Variants in TBC1D5 observed in about 807,000 individuals in gnomAD.
The protein encoded by TBC1D5 is TBC1 domain family, member 5.
In TBC1D5, 75 loss-of-function variants were observed where a neutral mutation model predicts 100.3. The ratio of observed to expected loss-of-function variants is 0.75; its 90% CI spans 0.62 to 0.91. TBC1D5 has a LOEUF of 0.91. Among genes scored for constraint, TBC1D5 ranks in the 40% least tolerant of loss-of-function variants. The pLI, the probability that TBC1D5 is intolerant of heterozygous loss-of-function variation, is 0.00. For missense variants in TBC1D5, 910 were observed against 942.4 expected (o/e 0.97, Z 0.45); for synonymous variants, 323 against 325.6 (o/e 0.99, Z 0.09).
At chr3:17,159,986 C>A (rs2065897673) in exon 22 of TBC1D5, 4 of 152,202 alleles carry the variant, frequency 2.6e-5, no homozygotes, top group African/African-American at 9.7e-5. Context: ...TTGGGTTTTT[C>A]CCTTTATTCC....
At chr3:17,661,439 T>C (rs1560402953) in intron 1 of TBC1D5, among the ~76,000 whole-genome samples, 4 of 152,194 alleles carry the variant, frequency 2.6e-5, no homozygotes, top group East Asian at 1.9e-4. Flanking sequence ...ATCCAAATGC[T>C]GCTGTATTTG....
intron 1 of TBC1D5, among the ~76,000 whole-genome samples, chr3:17,661,701 T>C (rs895957163): frequency 3.9e-5 from 6 of 152,112 alleles, no homozygotes; most frequent in Non-Finnish European, 7.4e-5. Context: ...GGTTTCACCA[T>C]GTTGGCCAGG....
intron 2 of TBC1D5, among the ~76,000 whole-genome samples, chr3:17,612,464 C>A (rs543608107): frequency 6.6e-6 from 1 of 151,842 alleles, no homozygotes; most frequent in African/African-American, 2.4e-5. Context: ...CCCGTCTATA[C>A]TAAAAAAATA....
At chr3:17,417,812 T>C (rs1157855539) in intron 4 of TBC1D5, among the ~76,000 whole-genome samples, 2 of 152,112 alleles carry the variant, frequency 1.3e-5, no homozygotes, top group African/African-American at 4.8e-5. Context: ...CCACCAACAG[T>C]GTAAAAGTGT....
rs539825304 is a variant in TBC1D5, at chr3:17,675,384, G to C, written c.-100-51471C>G. 5.9e-4 allele frequency among the ~76,000 whole-genome samples: 89 copies of C among 152,116 alleles called. 1 individual carries two copies. Among genetic ancestry groups the C allele is most frequent in the Middle Eastern group, 3.4e-3 (1 of 292 alleles). On this transcript the variant is annotated intron_variant, in intron 1 of 21. Transcript: ENST00000253692. The stretch of plus-strand genomic sequence containing the variant: ...AGAAACTCCATTTGAGCCATTCATT[G>C]GTAACTGATCATATACAGTTTCGAG...
At chr3:17,277,533 A>G (rs1333153804) in intron 15 of TBC1D5, among the ~76,000 whole-genome samples, 1 of 152,138 alleles carries the variant, frequency 6.6e-6, no homozygotes, top group Non-Finnish European at 1.5e-5. Flanking sequence ...ACAGTATATC[A>G]ATTTTCAAAC....
At chr3:17,184,373 T>C (rs893032442) in intron 19 of TBC1D5, among the ~76,000 whole-genome samples, 1 of 152,206 alleles carries the variant, frequency 6.6e-6, no homozygotes, top group Non-Finnish European at 1.5e-5. Context: ...AATAATCACA[T>C]TAGTGATTAC....
At chr3:17,675,677 A>C (rs1198673091) in intron 1 of TBC1D5, among the ~76,000 whole-genome samples, 1 of 152,210 alleles carries the variant, frequency 6.6e-6, no homozygotes, top group East Asian at 1.9e-4. Flanking sequence ...TGATGATCAA[A>C]GGAAAACTTC....
At chr3:17,445,205 C>A (rs964294824) in intron 3 of TBC1D5, among the ~76,000 whole-genome samples, 1 of 152,076 alleles carries the variant, frequency 6.6e-6, no homozygotes, top group African/African-American at 2.4e-5. Flanking sequence ...CTTATATGAG[C>A]TTTCTTTTCC....
At chr3:17,566,103 G>A (rs916655484) in intron 2 of TBC1D5, among the ~76,000 whole-genome samples, 1 of 152,092 alleles carries the variant, frequency 6.6e-6, no homozygotes, top group Non-Finnish European at 1.5e-5. Context: ...TAAAGACACT[G>A]TAATATATAG....
At chr3:17,358,700 TTAAAA>T (rs1461410028) in intron 13 of TBC1D5, among the ~76,000 whole-genome samples, 2 of 152,162 alleles carry the variant, frequency 1.3e-5, no homozygotes, top group Non-Finnish European at 2.9e-5. Context: ...AAATTCTAAA[TTAAAA>T]TGTTTTAAAA....
intron 1 of TBC1D5, among the ~76,000 whole-genome samples, chr3:17,726,487 C>T (rs2076140016): frequency 6.6e-6 from 1 of 152,134 alleles, no homozygotes; most frequent in South Asian, 2.1e-4. Context: ...TATTCATATG[C>T]TTATGGCTGC....
chr3:17,735,715 G>A (rs992445320), intron 1 of TBC1D5, among the ~76,000 whole-genome samples: 44 of 152,356 alleles, frequency 2.9e-4, no homozygotes, highest in African/African-American at 8.9e-4. Context: ...TCTTTAGCCC[G>A]ATCAGGAGCA....
chr3:17,334,983 A>G (rs2087480316), intron 13 of TBC1D5, among the ~76,000 whole-genome samples: 1 of 152,140 alleles, frequency 6.6e-6, no homozygotes. Context: ...TATAAAATAA[A>G]TTGTCCATGT....
chr3:17,316,746 A>G (rs1446364246), intron 13 of TBC1D5, among the ~76,000 whole-genome samples: 1 of 152,198 alleles, frequency 6.6e-6, no homozygotes, highest in Admixed American at 6.5e-5. Context: ...TATCTTGGGA[A>G]AATGTCCATG....
At chr3:17,535,032 A>G (rs931845377) in intron 2 of TBC1D5, among the ~76,000 whole-genome samples, 1 of 152,214 alleles carries the variant, frequency 6.6e-6, no homozygotes, top group African/African-American at 2.4e-5. Flanking sequence ...TAATTCACCT[A>G]ACTACTCAAT....
rs78132404 is a variant in TBC1D5 at position 17,360,075 on chromosome 3, C to T, written c.995+12000G>A. On this transcript the variant is annotated intron_variant, in intron 13 of 21. Transcript: ENST00000253692. ...TCCTTCCAATCTAAATGTATTCTGC[C>T]AACAGACTGGAAGGCAATGTCAGTT... 3.4e-3 allele frequency among the ~76,000 whole-genome samples: 521 copies of T among 152,014 alleles called. 2 individuals carry two copies. Among genetic ancestry groups the T allele is most frequent in the African/African-American group, 0.012 (507 of 41,522 alleles).
In TBC1D5 at chr3:17,319,096, C is replaced by T. The variant is rs183105248; in HGVS notation, c.996-10962G>A. On this transcript the variant is annotated intron_variant, in intron 13 of 21. Transcript: ENST00000253692. Reference sequence around the variant, plus strand: ...TTGTATTTCGGGCTAATGGAGAGAACAGAAACTCAGTGAAGTTTAGTTGAC... The same window carrying T: ...TTGTATTTCGGGCTAATGGAGAGAATAGAAACTCAGTGAAGTTTAGTTGAC... Among the ~76,000 whole-genome samples the T allele has an allele frequency of 9.4e-4, 143 of 152,282 alleles. 2 individuals carry two copies. The highest frequency in any genetic ancestry group is 1.3e-3 in the Non-Finnish European group (90 of 68,024).
chr3:17,242,687 T>G (rs920789809), intron 16 of TBC1D5, among the ~76,000 whole-genome samples: 3 of 152,106 alleles, frequency 2.0e-5, no homozygotes, highest in African/African-American at 7.2e-5. Context: ...AAATTTCAGA[T>G]GGCTGGGTTT....
Sources: allele counts gnomAD v4.1 joint callset (sites outside exome capture counted in the v4.1 genomes callset), GRCh38; gene constraint gnomAD v4.1.1; transcripts MANE v1.5; gene names NCBI Gene and HGNC (gene_info 2026-07-23, HGNC 2026-07-21).